The following ELP1 variants were observed in gnomAD, a reference collection of about 807,000 sequenced individuals.
ELP1 encodes elongator acetyltransferase complex subunit 1, also known as elongator complex protein 1.
ELP1 carries 131 observed loss-of-function variants against 183.2 expected under a neutral mutation model. That is an observed-to-expected ratio of 0.72 (90% CI 0.62 to 0.83). The LOEUF (loss-of-function observed/expected upper bound fraction) is 0.83. Among genes scored for constraint, ELP1 ranks in the 40% least tolerant of loss-of-function variants. ELP1 has a pLI of 0.00. For synonymous variants in ELP1, 555 were observed against 569.0 expected (o/e 0.98, Z 0.35); for missense variants, 1,550 against 1,594.9 (o/e 0.97, Z 0.48).
chr9:108,901,147 G>T (rs1443521259), intron 18 of ELP1, among the ~76,000 whole-genome samples: 1 of 152,126 alleles, frequency 6.6e-6, no homozygotes, highest in East Asian at 1.9e-4. Flanking sequence ...TAAAATATTA[G>T]ATCAGTTACA....
intron 6 of ELP1, 64 bp from the exon 7 acceptor site, chr9:108,919,413 C>T (rs934047666): frequency 9.5e-7 from 1 of 1,049,968 alleles, no homozygotes; most frequent in African/African-American, 1.6e-5. Flanking sequence ...TCAAACAAGC[C>T]TCAGACCACT....
chr9:108,891,258 T>C lies in ELP1; in HGVS notation c.3105A>G (p.Ala1035=), dbSNP rs1264085454. Residue 1035 remains alanine (A), a synonymous_variant, in exon 28 of 37, where the codon GCA becomes GCG. Coordinates refer to ENST00000374647, the MANE Select transcript of ELP1 (RefSeq NM_003640.5). ...GGTCTTTGGTAAAGTTAAGCTGGGC[T>C]GCCACACAGAGGGCTTGCTTCCAGT... The part of the protein sequence containing the change: ...CGNWKQALCV[A]AQLNFTKDQL... 3.1e-6 allele frequency: 5 copies of C among 1,614,132 alleles called. No homozygotes were observed. The highest frequency in any genetic ancestry group is 4.2e-6 in the Non-Finnish European group (5 of 1,180,050).
At chr9:108,874,777 A>AT (rs1827635636) in intron 36 of ELP1, 118 bp downstream of exon 36, 1 of 765,736 alleles carries the variant, frequency 1.3e-6, no homozygotes, top group Non-Finnish European at 2.3e-6. Context: ...ATTGTAGTCA[A>AT]TTTTTTGTAG....
In ELP1 at chr9:108,879,347, C is replaced by T. The variant is rs2275496; in HGVS notation, c.3572+99G>A. 346,705 of 844,544 alleles carry T rather than the reference C, an allele frequency of 0.41. 75,170 individuals carry two copies. Among genetic ancestry groups the T allele is most frequent in the Non-Finnish European group, 0.45 (224,641 of 494,334 alleles). The allele number at this position is 844,544 out of a possible 1,614,324, so 52.3% of individuals were successfully genotyped here. A position where few individuals can be genotyped will look rare whatever the true frequency, so the allele number is the denominator to read the frequency against. On this transcript the variant is annotated intron_variant, in intron 33 of 36. Coordinates refer to ENST00000374647, the MANE Select transcript of ELP1 (RefSeq NM_003640.5). ...ACAGCGCTGAAGAATATTCTCCCCACTCCCACTACACCGTCCCAGTAGAAA... is the reference window on the plus strand; with the variant it reads ...ACAGCGCTGAAGAATATTCTCCCCATTCCCACTACACCGTCCCAGTAGAAA...
chr9:108,907,974 C>A (rs1479026865), intron 13 of ELP1, among the ~76,000 whole-genome samples: 1 of 152,200 alleles, frequency 6.6e-6, no homozygotes, highest in Non-Finnish European at 1.5e-5. Flanking sequence ...ACAACCCATA[C>A]ATCCCCATTT....
chr9:108,878,624 T>C lies in ELP1; in HGVS notation c.3699A>G (p.Lys1233=). 2 of 1,614,208 alleles carry C rather than the reference T, an allele frequency of 1.2e-6. No homozygotes were observed. Among genetic ancestry groups the C allele is most frequent in the African/African-American group, 1.3e-5 (1 of 75,060 alleles). The change falls in exon 34 of 37, where the codon AAA becomes AAG. Residue 1233 remains lysine (K), a splice_region_variant and synonymous_variant. Transcript: ENST00000374647. ...SEVVQNTENL[K]DEVYHILKVL... is the part of the protein sequence containing the mutation. ...TCATCATCAGGACTGAGAATATACC[T>C]TTCAGGTTTTCAGTGTTCTGCACCA...
At chr9:108,923,391 A>G (rs888260328) in intron 5 of ELP1, among the ~76,000 whole-genome samples, 1 of 151,922 alleles carries the variant, frequency 6.6e-6, no homozygotes, top group Admixed American at 6.6e-5. Flanking sequence ...AACAAACAAA[A>G]CCCATTTCAT....
intron 10 of ELP1, among the ~76,000 whole-genome samples, 174 bp from the exon 11 acceptor site, chr9:108,912,668 A>G (rs111517652): frequency 6.6e-6 from 1 of 152,114 alleles, no homozygotes; most frequent in African/African-American, 2.4e-5. Context: ...TGCAGATAAA[A>G]TATCAAGAAT....
rs1827767235 is a variant in ELP1 at position 108,878,060 on chromosome 9, G to A, written c.3790C>T (p.Gln1264Ter). 4 of 1,613,936 alleles carry A rather than the reference G, an allele frequency of 2.5e-6. No homozygotes were observed. Among genetic ancestry groups the A allele is most frequent in the Non-Finnish European group, 3.4e-6 (4 of 1,179,822 alleles). ...TCTGGAAGTGACCTTTCCATCAACTGCAGCGTATCTTCAAAGGCCTTCTGT... is the reference window on the plus strand; with the variant it reads ...TCTGGAAGTGACCTTTCCATCAACTACAGCGTATCTTCAAAGGCCTTCTGT... ...ELQKAFEDTL[Q>*]LMERSLPEIW... The change falls in exon 35 of 37, where the codon CAG becomes TAG. Residue 1264 changes from glutamine (Q) to a stop codon, truncating the protein, a stop_gained. Coordinates refer to ENST00000374647, the MANE Select transcript of ELP1 (RefSeq NM_003640.5). LOFTEE classifies it high-confidence loss of function.
At chr9:108,912,174 T>C (rs1829248174) in intron 11 of ELP1, 90 bp downstream of exon 11, 1 of 973,506 alleles carries the variant, frequency 1.0e-6, no homozygotes, top group African/African-American at 1.6e-5. Flanking sequence ...CAAATAAAGA[T>C]TCCCCACTGT....
Position 108,878,077 on chromosome 9 carries a change from G to C in ELP1, c.3773C>G (p.Ala1258Gly). 4.3e-6 allele frequency: 7 copies of C among 1,613,496 alleles called. No homozygotes were observed. In the East Asian group the frequency reaches 1.6e-4, roughly 36 times the overall value. ...CATCAACTGCAGCGTATCTTCAAAG[G>C]CCTTCTGTAATTCCCTTCCTTGTTC... is the stretch of plus-strand genomic sequence containing the variant. ...FDEQGRELQK[A>G]FEDTLQLMER... The change falls in exon 35 of 37, where the codon GCC (alanine) becomes GGC (glycine). Residue 1258 changes from alanine (A) to glycine (G), a missense_variant. Coordinates refer to ENST00000374647, the MANE Select transcript of ELP1 (RefSeq NM_003640.5).
Position 108,908,379 on chromosome 9 carries a change from T to TGGTCA in ELP1, c.1385_1386insTGACC (p.Val463AspfsTer3). The TGGTCA allele has an allele frequency of 6.2e-7, 1 of 1,614,174 alleles. No homozygotes were observed. The highest frequency in any genetic ancestry group is 8.5e-7 in the Non-Finnish European group (1 of 1,180,002). ...TTCCACCCACAGCTCCCAGTTTCACTGTAGGGTCAGCACTTGGACAATCAC... is the reference window on the plus strand; with the variant it reads ...TTCCACCCACAGCTCCCAGTTTCACTGGTCAGTAGGGTCAGCACTTGGACAATCAC... On this transcript the variant is annotated frameshift_variant, in exon 13 of 37. Coordinates refer to ENST00000374647, the MANE Select transcript of ELP1 (RefSeq NM_003640.5). LOFTEE classifies it high-confidence loss of function.
chr9:108,914,182 A>T (rs1829339483), intron 10 of ELP1, among the ~76,000 whole-genome samples: 1 of 152,040 alleles, frequency 6.6e-6, no homozygotes, highest in African/African-American at 2.4e-5. Flanking sequence ...CGGGCAGATC[A>T]CGAGATGGAG....
At chr9:108,915,687 G>A (rs777131984) in intron 10 of ELP1, among the ~76,000 whole-genome samples, 24 of 122,818 alleles carry the variant, frequency 2.0e-4, no homozygotes, top group South Asian at 5.9e-4. Context: ...CTCTCTCACC[G>A]TCTCTCTATG....
chr9:108,876,517 G>A (rs1827710568), intron 35 of ELP1, among the ~76,000 whole-genome samples: 1 of 152,126 alleles, frequency 6.6e-6, no homozygotes, highest in South Asian at 2.1e-4. Flanking sequence ...GACATGATAA[G>A]CGTATGTGTT....
At chr9:108,881,640 C>G in intron 31 of ELP1, 65 bp downstream of exon 31, 1 of 957,326 alleles carries the variant, frequency 1.0e-6, no homozygotes, top group East Asian at 2.4e-5. Flanking sequence ...TAGGAGGAGA[C>G]TCTCTCATCT....
At chr9:108,879,002 C>A (rs1396867023) in intron 33 of ELP1, among the ~76,000 whole-genome samples, 1 of 152,172 alleles carries the variant, frequency 6.6e-6, no homozygotes, top group Non-Finnish European at 1.5e-5. Context: ...ACTGCACCTA[C>A]CATATGAGTG....
intron 12 of ELP1, 112 bp downstream of exon 12, chr9:108,910,898 T>C: frequency 1.1e-6 from 1 of 926,762 alleles, no homozygotes; most frequent in Non-Finnish European, 1.8e-6. Flanking sequence ...ACTGCAGACT[T>C]AAAAATTTTG....
chr9:108,874,711 C>A (rs1339954092), intron 36 of ELP1, among the ~76,000 whole-genome samples, 184 bp downstream of exon 36: 2 of 152,172 alleles, frequency 1.3e-5, no homozygotes, highest in Non-Finnish European at 2.9e-5. Flanking sequence ...AGGTCCCCCA[C>A]CGCTAGAAGC....
Sources: gnomAD v4.1 joint callset for allele counts (sites outside exome capture counted in the v4.1 genomes callset) on GRCh38, gnomAD v4.1.1 for gene constraint, MANE v1.5 for transcripts, NCBI Gene and HGNC (gene_info 2026-07-23, HGNC 2026-07-21) for gene names.